Variants in DISP3 observed in about 807,000 individuals in gnomAD.
DISP3 encodes the protein protein dispatched homolog 3.
In DISP3, 101 loss-of-function variants were observed where a neutral mutation model predicts 135.3. That is an observed-to-expected ratio of 0.75 (90% CI 0.64 to 0.88). The LOEUF (loss-of-function observed/expected upper bound fraction) is 0.88. Ranked by LOEUF, DISP3 falls within the 40% of genes least tolerant of loss-of-function variation. The pLI, the probability that DISP3 is intolerant of heterozygous loss-of-function variation, is 0.00. For missense variants in DISP3, 1,713 were observed against 1,878.6 expected (o/e 0.91, Z 1.63); for synonymous variants, 856 against 817.0 (o/e 1.05, Z -0.81).
rs567509337 is a variant in DISP3, at chr1:11,520,757, G to T, written c.2271G>T (p.Pro757=). Residue 757 remains proline, a synonymous_variant, in exon 10 of 21, where the codon CCG becomes CCT. Transcript: ENST00000294484. This position sits in a 1 kb window ranked among gnomAD's most constrained non-coding sequence, Gnocchi z 4.8. The stretch of plus-strand genomic sequence containing the variant: ...GGCTCCGCCCCGCCAGCCGGGCCCC[G>T]CTACTCTTCCGGCCTGATACCAACA... ...ASRLRPASRA[P]LLFRPDTNIQ... 6.2e-7 allele frequency: 1 copy of T among 1,613,518 alleles called. No individual in the cohort carries two copies.
At position 11,502,907 on chromosome 1, in the gene DISP3, C is replaced by A; in HGVS notation, c.1316+10C>A. 6.2e-7 allele frequency: 1 copy of A among 1,601,608 alleles called. No homozygotes were observed. Among genetic ancestry groups the A allele is most frequent in the Non-Finnish European group, 8.5e-7 (1 of 1,171,284 alleles). On this transcript the variant is annotated intron_variant, in intron 3 of 20. Transcript: ENST00000294484. ...CCAAGCAGTCTACCAGGTAGGAAGT[C>A]CAGCTGCATCCTGTGTGTGCATGCC...
At chr1:11,511,092 A>G (rs1035986504) in intron 3 of DISP3, among the ~76,000 whole-genome samples, 11 of 152,252 alleles carry the variant, frequency 7.2e-5, no homozygotes, top group African/African-American at 2.7e-4. Context: ...CCCTCCCACA[A>G]CACATGGGAA....
chr1:11,485,752 T>C (rs1422495453), intron 1 of DISP3, among the ~76,000 whole-genome samples: 2 of 152,330 alleles, frequency 1.3e-5, no homozygotes, highest in African/African-American at 2.4e-5. Context: ...TTTACAGATA[T>C]GATCTCATTT....
chr1:11,536,755 C>A lies in DISP3; in HGVS notation c.*69C>A. 1.4e-6 allele frequency: 2 copies of A among 1,448,418 alleles called. No homozygotes were observed. Among genetic ancestry groups the A allele is most frequent in the Admixed American group, 2.7e-5 (1 of 37,078 alleles). 89.7% of individuals were successfully genotyped at this position (1,448,418 alleles called of 1,614,324 possible). Reference sequence around the variant, plus strand: ...GGGGGACAGGAGCTGCTTCCCAGCTCGACTTCAGCTAGCTGTGTCCCCAGG... The same window carrying A: ...GGGGGACAGGAGCTGCTTCCCAGCTAGACTTCAGCTAGCTGTGTCCCCAGG... On this transcript the variant is annotated 3_prime_UTR_variant, in exon 21 of 21. Transcript: ENST00000294484. This position sits in a 1 kb window ranked among gnomAD's most constrained non-coding sequence, Gnocchi z 4.3.
chr1:11,529,796 C>A lies in DISP3; in HGVS notation c.2939C>A (p.Ala980Asp). 2.5e-6 allele frequency: 4 copies of A among 1,613,292 alleles called. No homozygotes were observed. Among genetic ancestry groups the A allele is most frequent in the Non-Finnish European group, 3.4e-6 (4 of 1,179,688 alleles). The change falls in exon 15 of 21, where the codon GCC (alanine) becomes GAC (aspartate). Residue 980 changes from alanine (A) to aspartate (D), a missense_variant. This residue lies in a region of DISP3 where 1,142 missense variants were observed against 1,384.6 expected (regional missense o/e 0.82). Transcript: ENST00000294484. This position sits in a 1 kb window ranked among gnomAD's most constrained non-coding sequence, Gnocchi z 4.7. Reference protein sequence around the residue: ...FFVPSEKVPKARLSATFGFNP... With the variant: ...FFVPSEKVPKDRLSATFGFNP... ...GACTCCCTGTTCGCAGTGCCCAAGG[C>A]CCGTCTCTCAGCCACCTTCGGCTTC...
At chr1:11,515,957 A>G (rs1641999760) in intron 5 of DISP3, 44 bp from the exon 6 acceptor site, 1 of 1,600,278 alleles carries the variant, frequency 6.2e-7, no homozygotes, top group Admixed American at 1.7e-5. Context: ...AATCCTGGAG[A>G]CAGCAGAATA....
At chr1:11,523,747 A>T (rs1642323620) in intron 10 of DISP3, among the ~76,000 whole-genome samples, 195 bp from the exon 11 acceptor site, 1 of 152,082 alleles carries the variant, frequency 6.6e-6, no homozygotes, top group Non-Finnish European at 1.5e-5. Context: ...CTGGGCCTAA[A>T]ATTCCTATAA....
Position 11,526,636 on chromosome 1 carries a change from C to T in DISP3, c.2614-15C>T. ...CCCGAGTCATGTGTCTTGTCTCTGT[C>T]AACCCACTGCTTAGGTGTATAGAGC... is the stretch of plus-strand genomic sequence containing the variant. On this transcript the variant is annotated splice_polypyrimidine_tract_variant and intron_variant, in intron 12 of 20. Coordinates refer to ENST00000294484, the MANE Select transcript of DISP3 (RefSeq NM_020780.2). The T allele has an allele frequency of 4.4e-6, 7 of 1,604,370 alleles. No individual in the cohort carries two copies. Among genetic ancestry groups the T allele is most frequent in the Non-Finnish European group, 6.0e-6 (7 of 1,171,816 alleles).
intron 17 of DISP3, among the ~76,000 whole-genome samples, chr1:11,532,719 T>G (rs1357141080): frequency 3.3e-5 from 5 of 152,184 alleles, no homozygotes; most frequent in African/African-American, 7.2e-5. Context: ...TTGTTTGTTT[T>G]GAGTCAGAGT....
intron 13 of DISP3, among the ~76,000 whole-genome samples, chr1:11,528,584 G>A (rs1335937870): frequency 1.3e-5 from 2 of 152,186 alleles, no homozygotes; most frequent in African/African-American, 4.8e-5. Context: ...ACTATGATAC[G>A]TGCTCTGAAA....
intron 1 of DISP3, among the ~76,000 whole-genome samples, chr1:11,488,344 C>G (rs2379138): frequency 0.51 from 77,421 of 152,000 alleles, 22,411 homozygotes; most frequent in African/African-American, 0.78. Context: ...CCCCACCCCA[C>G]AGCAAGGGCC....
rs1642716867 is a variant in DISP3 at position 11,536,782 on chromosome 1, C to G, written c.*96C>G. 2 of 1,420,568 alleles carry G rather than the reference C, an allele frequency of 1.4e-6. No individual in the cohort carries two copies. Among genetic ancestry groups the G allele is most frequent in the Non-Finnish European group, 1.8e-6 (2 of 1,084,966 alleles). The allele number at this position is 1,420,568 out of a possible 1,614,324, so 88.0% of individuals were successfully genotyped here. A position where few individuals can be genotyped will look rare whatever the true frequency, so the allele number is the denominator to read the frequency against. On this transcript the variant is annotated 3_prime_UTR_variant, in exon 21 of 21. Coordinates refer to ENST00000294484, the MANE Select transcript of DISP3 (RefSeq NM_020780.2). The surrounding 1 kb of genome is among the most constrained non-coding windows in gnomAD (Gnocchi z 4.3). ...ACTTCAGCTAGCTGTGTCCCCAGGC[C>G]TGGGCCCAGGGCGCCCTGCGGGCCA...
At position 11,536,617 on chromosome 1, in the gene DISP3, G is replaced by T. The variant is rs1215231640; in HGVS notation, c.4110G>T (p.Gly1370=). 1.2e-6 allele frequency: 2 copies of T among 1,608,984 alleles called. No homozygotes were observed. Among genetic ancestry groups the T allele is most frequent in the Non-Finnish European group, 1.7e-6 (2 of 1,178,866 alleles). Reference sequence around the variant, plus strand: ...CCGTGCTGCTGGCAGGGGCCCTGGGGCTGGGTGCCTGCCTCGTGCTCCTGC... The same window carrying T: ...CCGTGCTGCTGGCAGGGGCCCTGGGTCTGGGTGCCTGCCTCGTGCTCCTGC... ...LGAVLLAGAL[G]LGACLVLLQS... Residue 1370 remains glycine, a synonymous_variant, in exon 21 of 21, where the codon GGG becomes GGT. Coordinates refer to ENST00000294484, the MANE Select transcript of DISP3 (RefSeq NM_020780.2). This position sits in a 1 kb window ranked among gnomAD's most constrained non-coding sequence, Gnocchi z 4.3.
chr1:11,509,704 C>A (rs553943273), intron 3 of DISP3, among the ~76,000 whole-genome samples: 41 of 152,276 alleles, frequency 2.7e-4, no homozygotes, highest in African/African-American at 8.2e-4. Flanking sequence ...AATCCAGCTT[C>A]TTTTTTGGTT....
chr1:11,487,146 CA>C (rs979670529), intron 1 of DISP3, among the ~76,000 whole-genome samples: 2 of 152,206 alleles, frequency 1.3e-5, no homozygotes, highest in Non-Finnish European at 2.9e-5. Context: ...CAAGTATGGA[CA>C]AAGGGAAGGG....
intron 1 of DISP3, among the ~76,000 whole-genome samples, chr1:11,495,588 C>T (rs1237775465): frequency 1.3e-5 from 2 of 152,162 alleles, no homozygotes; most frequent in Non-Finnish European, 2.9e-5. Flanking sequence ...TTAGTCCCTT[C>T]TCCTTGACTG....
At position 11,536,698 on chromosome 1, in the gene DISP3, C is replaced by T; in HGVS notation, c.*12C>T. On this transcript the variant is annotated 3_prime_UTR_variant, in exon 21 of 21. Transcript: ENST00000294484. This position sits in a 1 kb window ranked among gnomAD's most constrained non-coding sequence, Gnocchi z 4.3. ...GGGCCTCCCTATAGCCCGGGACGGG[C>T]TCTGGACACTTGCACCTTTGGTCCC... The T allele has an allele frequency of 6.5e-7, 1 of 1,530,410 alleles. No homozygotes were observed. The allele number at this position is 1,530,410 out of a possible 1,614,324, so 94.8% of individuals were successfully genotyped here. A position where few individuals can be genotyped will look rare whatever the true frequency, so the allele number is the denominator to read the frequency against.
chr1:11,523,457 A>G (rs1055053478), intron 10 of DISP3, among the ~76,000 whole-genome samples: 1 of 145,276 alleles, frequency 6.9e-6, no homozygotes, highest in Non-Finnish European at 1.5e-5. Context: ...GCACGGGGGC[A>G]GAGTGGCACA....
At chr1:11,530,087 C>T in intron 15 of DISP3, 128 bp downstream of exon 15, 1 of 1,291,094 alleles carries the variant, frequency 7.7e-7, no homozygotes, top group East Asian at 2.4e-5. Context: ...TCCTCTAACC[C>T]AGACAGAACC....
Sources: gnomAD v4.1 joint callset for allele counts (sites outside exome capture counted in the v4.1 genomes callset) on GRCh38, gnomAD v4.1.1 for gene constraint, gnomAD v4.1.1 regional missense constraint, Gnocchi (gnomAD v3.1) non-coding constraint, MANE v1.5 for transcripts, NCBI Gene and HGNC (gene_info 2026-07-23, HGNC 2026-07-21) for gene names.